PPIL4: variants seen among roughly 807,000 people sequenced by gnomAD.
PPIL4 encodes peptidylprolyl isomerase like 4.
PPIL4 carries 50 observed loss-of-function variants against 69.1 expected under a neutral mutation model. That is an observed-to-expected ratio of 0.72 (90% confidence interval 0.58 to 0.92). The LOEUF (loss-of-function observed/expected upper bound fraction) is 0.92, where lower values mean the gene tolerates loss of function less well. Among genes scored for constraint, PPIL4 ranks in the 40% least tolerant of loss-of-function variants. The probability of loss-of-function intolerance (pLI) is 0.00; values close to 1 mark genes in which losing one functional copy is unlikely to be tolerated. For synonymous variants in PPIL4, 193 were observed against 191.6 expected (o/e 1.01, Z -0.06); for missense variants, 480 against 587.9 (o/e 0.82, Z 1.90).
At chr6:149,505,902 G>C (rs759960855) in intron 12 of PPIL4, among the ~76,000 whole-genome samples, 198 bp from the exon 13 acceptor site, 8 of 152,150 alleles carry the variant, frequency 5.3e-5, no homozygotes, top group Non-Finnish European at 1.2e-4. Flanking sequence ...CAACGTCATT[G>C]ATTTGTATCT....
At chr6:149,525,238 A>T (rs1446316173) in intron 8 of PPIL4, 29 bp from the exon 9 acceptor site, 4 of 896,678 alleles carry the variant, frequency 4.5e-6, no homozygotes, top group Non-Finnish European at 6.5e-6. Context: ...AAGTGACTTA[A>T]AAAAAAAAAA....
chr6:149,527,746 A>G (rs1284511650), intron 7 of PPIL4, among the ~76,000 whole-genome samples: 1 of 152,172 alleles, frequency 6.6e-6, no homozygotes, highest in Admixed American at 6.5e-5. Context: ...ATGCAACTCT[A>G]TCACATTTAG....
chr6:149,513,605 G>A (rs1776895436), intron 11 of PPIL4, among the ~76,000 whole-genome samples: 1 of 150,432 alleles, frequency 6.6e-6, no homozygotes, highest in East Asian at 1.9e-4. Context: ...ACCCTAGAAA[G>A]GTGTTTATGA....
In PPIL4 at chr6:149,521,083, G is replaced by T; in HGVS notation, c.959C>A (p.Ala320Glu). ...ACCTTTTCCTTTCCATTTAACCTTT[G>T]CAACCGACTGGCTAAAATCCACATG... ...RIHVDFSQSV[A>E]KVKWKGKGGK... Residue 320 changes from alanine (A) to glutamate (E), a missense_variant, in exon 10 of 13, where the codon GCA becomes GAA. Transcript: ENST00000253329. 1 of 1,590,898 alleles carries T rather than the reference G, an allele frequency of 6.3e-7. No homozygotes were observed. The highest frequency in any genetic ancestry group is 8.6e-7 in the Non-Finnish European group (1 of 1,162,524).
At chr6:149,536,968 A>C (rs898207819) in intron 4 of PPIL4, among the ~76,000 whole-genome samples, 17 of 152,004 alleles carry the variant, frequency 1.1e-4, no homozygotes, top group African/African-American at 4.1e-4. Flanking sequence ...TCCACTAAAA[A>C]TACAAAAGTT....
At chr6:149,536,175 T>C (rs973709887) in intron 4 of PPIL4, among the ~76,000 whole-genome samples, 1 of 152,234 alleles carries the variant, frequency 6.6e-6, no homozygotes, top group African/African-American at 2.4e-5. Context: ...GTGAACTTAA[T>C]CCATAAATGT....
chr6:149,538,473 TA>T (rs961320026), intron 4 of PPIL4, among the ~76,000 whole-genome samples: 2 of 151,108 alleles, frequency 1.3e-5, no homozygotes, highest in African/African-American at 2.4e-5. Context: ...AAATAAAAAT[TA>T]AAAAAAAATA....
intron 12 of PPIL4, among the ~76,000 whole-genome samples, chr6:149,506,486 G>A (rs1383312069): frequency 6.6e-6 from 1 of 152,084 alleles, no homozygotes; most frequent in African/African-American, 2.4e-5. Context: ...AAAAGAAAAT[G>A]GATAATGTAT....
In PPIL4 at chr6:149,534,717, G is replaced by A; in HGVS notation, c.522C>T (p.Ile174=). 6.3e-7 allele frequency: 1 copy of A among 1,596,308 alleles called. No individual in the cohort carries two copies. The stretch of plus-strand genomic sequence containing the variant: ...TTGTAGGTTCTGGTGATCGATCAGG[G>A]ATTAATAAATCAGGAGGGTCATCAA... ...DPFDDPPDLL[I]PDRSPEPTRE... The change falls in exon 6 of 13, where the codon ATC becomes ATT. Residue 174 remains isoleucine, a synonymous_variant. Coordinates refer to ENST00000253329, the MANE Select transcript of PPIL4 (RefSeq NM_139126.4).
At chr6:149,510,991 TA>T (rs1183430637) in intron 12 of PPIL4, among the ~76,000 whole-genome samples, 4 of 152,294 alleles carry the variant, frequency 2.6e-5, no homozygotes, top group Admixed American at 1.3e-4. Context: ...CTCAGAAAGT[TA>T]AACAACTTGT....
chr6:149,534,051 G>A (rs758403869), intron 6 of PPIL4, among the ~76,000 whole-genome samples: 2 of 152,052 alleles, frequency 1.3e-5, no homozygotes, highest in Non-Finnish European at 2.9e-5. Flanking sequence ...AGCAACTCAA[G>A]AGGCTGAGGC....
At chr6:149,537,672 C>G (rs1777298545) in intron 4 of PPIL4, among the ~76,000 whole-genome samples, 1 of 151,328 alleles carries the variant, frequency 6.6e-6, no homozygotes, top group Non-Finnish European at 1.5e-5. Flanking sequence ...CGCCACTGCA[C>G]TCCAGCCTGG....
At chr6:149,538,596 T>C (rs1777314839) in intron 4 of PPIL4, among the ~76,000 whole-genome samples, 1 of 152,190 alleles carries the variant, frequency 6.6e-6, no homozygotes, top group Admixed American at 6.5e-5. Flanking sequence ...TTAAGAACAT[T>C]CGTGATTTGT....
intron 2 of PPIL4, 37 bp downstream of exon 2, chr6:149,541,482 C>T (rs113110052): frequency 4.0e-6 from 6 of 1,515,888 alleles, no homozygotes; most frequent in Non-Finnish European, 9.1e-7. Flanking sequence ...TAGATAGTTC[C>T]AATAACAAAG....
At chr6:149,511,218 G>A (rs1296865409) in intron 12 of PPIL4, among the ~76,000 whole-genome samples, 1 of 151,302 alleles carries the variant, frequency 6.6e-6, no homozygotes, top group African/African-American at 2.4e-5. Context: ...AAAGCAAGGA[G>A]CTCTGATGTA....
rs1232616380 is a variant in PPIL4, at chr6:149,541,353, A to T, written c.203+14T>A. 8.4e-7 allele frequency: 1 copy of T among 1,184,644 alleles called. No homozygotes were observed. The allele number at this position is 1,184,644 out of a possible 1,614,324, so 73.4% of individuals were successfully genotyped here. On this transcript the variant is annotated intron_variant, in intron 3 of 12. Transcript: ENST00000253329. ...AATAAATAAATAAATAAATAAATAA[A>T]TAAAACAACTTACCCAAAGATAGAC...
chr6:149,518,563 A>C (rs1776981121), intron 10 of PPIL4, among the ~76,000 whole-genome samples: 1 of 152,218 alleles, frequency 6.6e-6, no homozygotes, highest in East Asian at 1.9e-4. Flanking sequence ...AAAAGACAAG[A>C]TCAATCTATT....
At chr6:149,534,867 C>G (rs937962401) in intron 5 of PPIL4, 93 bp from the exon 6 acceptor site, 4 of 719,340 alleles carry the variant, frequency 5.6e-6, no homozygotes, top group Non-Finnish European at 8.9e-6. Context: ...ACTTGATTAT[C>G]TCTAAGGCCA....
chr6:149,537,623 C>T (rs936294093), intron 4 of PPIL4, among the ~76,000 whole-genome samples: 4 of 151,504 alleles, frequency 2.6e-5, no homozygotes, highest in East Asian at 2.0e-4. Context: ...AGGAGAATGG[C>T]GTGAATCTGG....
Sources: gnomAD v4.1 joint callset for allele counts (sites outside exome capture counted in the v4.1 genomes callset) on GRCh38, gnomAD v4.1.1 for gene constraint, MANE v1.5 for transcripts, NCBI Gene and HGNC (gene_info 2026-07-23, HGNC 2026-07-21) for gene names.